Variants in UNC5C observed in about 807,000 individuals in gnomAD.
UNC5C encodes the protein unc-5 netrin receptor C.
A neutral mutation model predicts 99.8 loss-of-function variants in UNC5C; 47 were observed. The observed-to-expected ratio is 0.47, with a 90% confidence interval of 0.37 to 0.60. UNC5C has a LOEUF of 0.60. Among genes scored for constraint, UNC5C ranks in the 20% least tolerant of loss-of-function variants. The pLI, the probability that UNC5C is intolerant of heterozygous loss-of-function variation, is 0.00. For synonymous variants in UNC5C, 487 were observed against 452.2 expected, an observed-to-expected ratio of 1.08 and a Z score of -0.98; for missense variants, 1,062 against 1,165.9, an observed-to-expected ratio of 0.91 and a Z score of 1.30.
intron 1 of UNC5C, among the ~76,000 whole-genome samples, chr4:95,357,304 T>C (rs1194091814): frequency 6.6e-6 from 1 of 151,852 alleles, no homozygotes; most frequent in Non-Finnish European, 1.5e-5. Flanking sequence ...ACCCAGATAA[T>C]TTTTTAAATT....
chr4:95,373,497 C>A (rs906062155), intron 1 of UNC5C, among the ~76,000 whole-genome samples: 1 of 152,168 alleles, frequency 6.6e-6, no homozygotes, highest in Non-Finnish European at 1.5e-5. Flanking sequence ...CGTCTCCTTA[C>A]GCACCATTTC....
rs1033493589 is a variant in UNC5C, at chr4:95,245,101, G to C, written c.819C>G (p.Asn273Lys). 2 of 1,613,874 alleles carry C rather than the reference G, an allele frequency of 1.2e-6. No individual in the cohort carries two copies. The highest frequency in any genetic ancestry group is 1.7e-6 in the Non-Finnish European group (2 of 1,179,986). ...TCTGATACCCTCGTCCACAGCGGCTGTTACACACAGACCACTCCGTCCAGG... is the reference window on the plus strand; with the variant it reads ...TCTGATACCCTCGTCCACAGCGGCTCTTACACACAGACCACTCCGTCCAGG... ...WSTWTEWSVC[N>K]SRCGRGYQKR... Residue 273 changes from asparagine to lysine, a missense_variant, in exon 6 of 16, where the codon AAC (asparagine) becomes AAG (lysine). Physicochemically the swap from Asn to Lys is moderately conservative, Grantham distance 94. Transcript: ENST00000453304.
At position 95,166,470 on chromosome 4, in the gene UNC5C, C is replaced by T. The variant is rs1735861262; in HGVS notation, c.*2764G>A. Reference sequence around the variant, plus strand: ...CCTTTTCTGGTGGTGGGAAGTTGAACCAAAAAAGCATCTGAAGTGAACCCC... The same window carrying T: ...CCTTTTCTGGTGGTGGGAAGTTGAATCAAAAAAGCATCTGAAGTGAACCCC... On this transcript the variant is annotated 3_prime_UTR_variant, in exon 16 of 16. Coordinates refer to ENST00000453304, the MANE Select transcript of UNC5C (RefSeq NM_003728.4). 6.6e-6 allele frequency: 1 copy of T among 152,082 alleles called. No individual in the cohort carries two copies. The highest frequency in any genetic ancestry group is 2.1e-4 in the South Asian group (1 of 4,828). 9.4% of individuals were successfully genotyped at this position (152,082 alleles called of 1,614,324 possible).
chr4:95,299,812 A>G (rs1178895210), intron 3 of UNC5C, among the ~76,000 whole-genome samples: 1 of 152,200 alleles, frequency 6.6e-6, no homozygotes, highest in Non-Finnish European at 1.5e-5. Context: ...CCCACAACAC[A>G]TGGGGATGAT....
At chr4:95,329,382 T>G (rs959179586) in intron 2 of UNC5C, among the ~76,000 whole-genome samples, 11 of 152,226 alleles carry the variant, frequency 7.2e-5, no homozygotes, top group African/African-American at 2.4e-4. Context: ...ACAAGCTTTG[T>G]GCACATTTGG....
At chr4:95,295,324 A>G (rs1440747200) in intron 3 of UNC5C, among the ~76,000 whole-genome samples, 1 of 152,178 alleles carries the variant, frequency 6.6e-6, no homozygotes, top group Non-Finnish European at 1.5e-5. Flanking sequence ...CTCTGAATGA[A>G]AACTACCAGA....
intron 1 of UNC5C, among the ~76,000 whole-genome samples, chr4:95,519,917 G>A (rs1012705555): frequency 1.3e-5 from 2 of 152,204 alleles, no homozygotes; most frequent in Non-Finnish European, 2.9e-5. Context: ...TAATGAAGAA[G>A]CTGTACTCCC....
At chr4:95,319,811 T>C (rs1742612906) in intron 2 of UNC5C, among the ~76,000 whole-genome samples, 1 of 152,120 alleles carries the variant, frequency 6.6e-6, no homozygotes, top group South Asian at 2.1e-4. Context: ...AAAAAAATGA[T>C]AGGGTGGGGA....
intron 1 of UNC5C, among the ~76,000 whole-genome samples, chr4:95,384,818 G>A (rs1198772759): frequency 1.3e-5 from 2 of 152,180 alleles, no homozygotes; most frequent in East Asian, 1.9e-4. Context: ...TAGCATCTTC[G>A]GAGAAGAGGG....
In UNC5C at chr4:95,410,460, A is replaced by G. The variant is rs191693252; in HGVS notation, c.125-74829T>C. On this transcript the variant is annotated intron_variant, in intron 1 of 15. Transcript: ENST00000453304. ...GAATTCAACAGATGTTTCAGCGTTC[A>G]CTAAAATACCCCATTATTTTTCAGT... Among the ~76,000 whole-genome samples the G allele has an allele frequency of 7.2e-3, 1,098 of 152,346 alleles. 9 individuals are homozygous for G. The highest frequency in any genetic ancestry group is 0.026 in the African/African-American group (1,065 of 41,580).
chr4:95,181,689 C>T (rs1414894190), intron 14 of UNC5C, among the ~76,000 whole-genome samples: 1 of 152,006 alleles, frequency 6.6e-6, no homozygotes. Context: ...TCACCGGGGG[C>T]TGTGACTAAA....
At chr4:95,455,166 GAA>G (rs754488170) in intron 1 of UNC5C, among the ~76,000 whole-genome samples, 3 of 152,042 alleles carry the variant, frequency 2.0e-5, no homozygotes, top group Non-Finnish European at 4.4e-5. Flanking sequence ...AGATCATATT[GAA>G]AGAGTCATCA....
At chr4:95,530,069 A>C (rs538799974) in intron 1 of UNC5C, among the ~76,000 whole-genome samples, 8 of 152,228 alleles carry the variant, frequency 5.3e-5, no homozygotes, top group African/African-American at 1.9e-4. Flanking sequence ...AGTGTGACTT[A>C]AGTTTATTTT....
At chr4:95,478,608 C>T (rs771245976) in intron 1 of UNC5C, among the ~76,000 whole-genome samples, 1 of 151,994 alleles carries the variant, frequency 6.6e-6, no homozygotes, top group East Asian at 1.9e-4. Flanking sequence ...TCCCCACAAG[C>T]AATTCAGTTA....
At chr4:95,248,562 G>A (rs1739582777) in intron 5 of UNC5C, 1 of 455,890 alleles carries the variant, frequency 2.2e-6, no homozygotes, top group African/African-American at 2.0e-5. Flanking sequence ...CTCCTCTCCT[G>A]CTTTTAAGAG....
intron 10 of UNC5C, among the ~76,000 whole-genome samples, chr4:95,207,736 C>T (rs139741845): frequency 1.3e-5 from 2 of 152,282 alleles, no homozygotes; most frequent in Admixed American, 6.5e-5. Context: ...GCAGCACCTT[C>T]CATCCAGCCA....
intron 1 of UNC5C, among the ~76,000 whole-genome samples, chr4:95,389,037 C>A (rs1200094725): frequency 6.6e-6 from 1 of 152,054 alleles, no homozygotes. Context: ...CAAAAAGCTG[C>A]CCTAAGCATA....
In UNC5C at chr4:95,206,809, C is replaced by A. The variant is rs1477226417; in HGVS notation, c.1734-13G>T. 2 of 1,545,768 alleles carry A rather than the reference C, an allele frequency of 1.3e-6. No individual in the cohort carries two copies. The highest frequency in any genetic ancestry group is 2.8e-5 in the African/African-American group (2 of 71,788). Reference sequence around the variant, plus strand: ...ATCCATGGGTGGCCTAGGAGGAGAGCAGAGAATGGCTTCAGTGACATTTCC... The same window carrying A: ...ATCCATGGGTGGCCTAGGAGGAGAGAAGAGAATGGCTTCAGTGACATTTCC... On this transcript the variant is annotated splice_polypyrimidine_tract_variant and intron_variant, in intron 10 of 15. Transcript: ENST00000453304.
intron 1 of UNC5C, among the ~76,000 whole-genome samples, chr4:95,401,886 G>A (rs1237188678): frequency 6.6e-6 from 1 of 152,164 alleles, no homozygotes; most frequent in Admixed American, 6.5e-5. Flanking sequence ...CTAATTGAAA[G>A]CTCAAGAGAT....
Sources: gnomAD v4.1 joint callset for allele counts (sites outside exome capture counted in the v4.1 genomes callset) on GRCh38, gnomAD v4.1.1 for gene constraint, MANE v1.5 for transcripts, NCBI Gene and HGNC (gene_info 2026-07-23, HGNC 2026-07-21) for gene names.